TRIM33: variants seen among roughly 807,000 people sequenced by gnomAD.
TRIM33 encodes the protein E3 ubiquitin-protein ligase TRIM33.
A neutral mutation model predicts 125.4 loss-of-function variants in TRIM33; 20 were observed. The ratio of observed to expected loss-of-function variants is 0.16; its 90% CI spans 0.11 to 0.23. TRIM33 has a LOEUF of 0.23. Ranked by LOEUF, TRIM33 falls within the 10% of genes least tolerant of loss-of-function variation. TRIM33 has a pLI of 1.00. For synonymous variants in TRIM33, 564 were observed against 513.9 expected, an observed-to-expected ratio of 1.10 and a Z score of -1.32; for missense variants, 920 against 1,411.4, an observed-to-expected ratio of 0.65 and a Z score of 5.58.
chr1:114,425,333 T>C, intron 9 of TRIM33, 116 bp downstream of exon 9: 1 of 1,347,098 alleles, frequency 7.4e-7, no homozygotes, highest in Non-Finnish European at 1.0e-6. Flanking sequence ...CTCTGACTTT[T>C]GAACTCTGCT....
intron 11 of TRIM33, among the ~76,000 whole-genome samples, chr1:114,416,523 T>A (rs1652953525): frequency 6.6e-6 from 1 of 152,206 alleles, no homozygotes; most frequent in South Asian, 2.1e-4. Flanking sequence ...GTATAACAAC[T>A]CACTTCTGTA....
intron 1 of TRIM33, among the ~76,000 whole-genome samples, chr1:114,482,722 G>A (rs909711768): frequency 6.6e-6 from 1 of 152,178 alleles, no homozygotes; most frequent in African/African-American, 2.4e-5. Flanking sequence ...TCTCATTATA[G>A]TAACTGAGTT....
chr1:114,397,575 T>C lies in TRIM33; in HGVS notation c.*73A>G, dbSNP rs1484501963. 10 of 1,222,526 alleles carry C rather than the reference T, an allele frequency of 8.2e-6. No individual in the cohort carries two copies. The highest frequency in any genetic ancestry group is 4.7e-5 in the African/African-American group (3 of 63,414). 75.7% of individuals were successfully genotyped at this position (1,222,526 alleles called of 1,614,324 possible). A position where few individuals can be genotyped will look rare whatever the true frequency, so the allele number is the denominator to read the frequency against. On this transcript the variant is annotated 3_prime_UTR_variant, in exon 20 of 20. Coordinates refer to ENST00000358465, the MANE Select transcript of TRIM33 (RefSeq NM_015906.4). ...ATATTCCAGCAACACTTAAAAGTTTTCTGGGTTTTTTGTGTTTTTTTTTTT... is the reference window on the plus strand; with the variant it reads ...ATATTCCAGCAACACTTAAAAGTTTCCTGGGTTTTTTGTGTTTTTTTTTTT...
At chr1:114,498,955 A>C (rs1023810253) in intron 1 of TRIM33, among the ~76,000 whole-genome samples, 4 of 152,204 alleles carry the variant, frequency 2.6e-5, no homozygotes, top group African/African-American at 9.6e-5. Context: ...TTTCAAAACA[A>C]CTGATAAATA....
chr1:114,491,529 C>T (rs973835294), intron 1 of TRIM33, among the ~76,000 whole-genome samples: 6 of 152,104 alleles, frequency 3.9e-5, no homozygotes, highest in African/African-American at 1.4e-4. Context: ...GGGCTGGATG[C>T]AGTGGCTCAA....
intron 17 of TRIM33, among the ~76,000 whole-genome samples, chr1:114,399,850 A>G (rs1572003719): frequency 1.3e-5 from 2 of 152,168 alleles, no homozygotes; most frequent in Non-Finnish European, 2.9e-5. Context: ...TAAGATTTGG[A>G]AAGAAAGCAA....
intron 1 of TRIM33, among the ~76,000 whole-genome samples, chr1:114,489,033 G>T (rs1029709648): frequency 9.9e-5 from 15 of 152,160 alleles, no homozygotes; most frequent in African/African-American, 3.1e-4. Flanking sequence ...CTGGGTGACA[G>T]AGTGAGACCC....
At position 114,393,095 on chromosome 1, in the gene TRIM33, CTA is replaced by C. The variant is rs1651366177; in HGVS notation, c.*4551_*4552del. ...AAGAATCATATTGAAGGGCAGTTAA[CTA>C]TGTGCAAAAATAATAGTACTAGTAG... On this transcript the variant is annotated 3_prime_UTR_variant, in exon 20 of 20. Transcript: ENST00000358465. The C allele has an allele frequency of 9.8e-6, 2 of 204,728 alleles. No homozygotes were observed. The highest frequency in any genetic ancestry group is 7.4e-5 in the East Asian group (1 of 13,534). The allele number at this position is 204,728 out of a possible 1,614,324, so 12.7% of individuals were successfully genotyped here.
intron 14 of TRIM33, 24 bp downstream of exon 14, chr1:114,406,915 CCT>C (rs1652282745): frequency 1.9e-6 from 3 of 1,609,162 alleles, no homozygotes; most frequent in Non-Finnish European, 2.5e-6. Context: ...TCCTTAAGTC[CCT>C]GTCAGACTCC....
intron 4 of TRIM33, among the ~76,000 whole-genome samples, chr1:114,446,170 T>C: frequency 6.6e-6 from 1 of 152,196 alleles, no homozygotes; most frequent in East Asian, 1.9e-4. Context: ...TTGAGGATTT[T>C]CATATGACAA....
At chr1:114,464,903 C>G (rs73007263) in intron 1 of TRIM33, among the ~76,000 whole-genome samples, 1 of 152,078 alleles carries the variant, frequency 6.6e-6, no homozygotes, top group African/African-American at 2.4e-5. Flanking sequence ...AGACAGGCAA[C>G]CACTAGAAGC....
At chr1:114,409,948 A>G (rs1282227039) in intron 12 of TRIM33, among the ~76,000 whole-genome samples, 1 of 152,022 alleles carries the variant, frequency 6.6e-6, no homozygotes, top group East Asian at 1.9e-4. Context: ...CAAAGAAGAA[A>G]TTTTGTCTCA....
At chr1:114,426,116 A>C (rs1647556686) in intron 8 of TRIM33, among the ~76,000 whole-genome samples, 1 of 152,222 alleles carries the variant, frequency 6.6e-6, no homozygotes, top group Non-Finnish European at 1.5e-5. Context: ...AATTGCCAAA[A>C]TATGCAAGGC....
At chr1:114,506,881 C>T (rs1353320147) in intron 1 of TRIM33, among the ~76,000 whole-genome samples, 21 of 152,268 alleles carry the variant, frequency 1.4e-4, no homozygotes, top group Non-Finnish European at 2.5e-4. Context: ...CCACCAGCAT[C>T]AAAATCACAG....
At chr1:114,424,050 AAACAT>A (rs762344178) in intron 10 of TRIM33, among the ~76,000 whole-genome samples, 7 of 152,198 alleles carry the variant, frequency 4.6e-5, no homozygotes, top group Non-Finnish European at 1.0e-4. Flanking sequence ...TCTCCCATAT[AAACAT>A]AACCAGGCAA....
intron 14 of TRIM33, among the ~76,000 whole-genome samples, chr1:114,406,057 G>C (rs766851917): frequency 6.6e-6 from 1 of 152,180 alleles, no homozygotes; most frequent in Non-Finnish European, 1.5e-5. Context: ...TTCCTTGAGA[G>C]AGCTAATTAT....
intron 6 of TRIM33, among the ~76,000 whole-genome samples, chr1:114,428,335 T>G (rs1375898259): frequency 6.6e-6 from 1 of 152,162 alleles, no homozygotes; most frequent in Non-Finnish European, 1.5e-5. Flanking sequence ...CTTAAATATA[T>G]AAGACAAAAT....
chr1:114,397,589 G>GTTTTTTTTTTTTTTTTGT lies in TRIM33; in HGVS notation c.*58_*59insACAAAAAAAAAAAAAAAA. The stretch of plus-strand genomic sequence containing the variant: ...CTTAAAAGTTTTCTGGGTTTTTTGT[G>GTTTTTTTTTTTTTTTTGT]TTTTTTTTTTTTTTTTCGTTTTTTT... On this transcript the variant is annotated 3_prime_UTR_variant, in exon 20 of 20. Coordinates refer to ENST00000358465, the MANE Select transcript of TRIM33 (RefSeq NM_015906.4). The GTTTTTTTTTTTTTTTTGT allele has an allele frequency of 1.6e-6, 1 of 637,684 alleles. No individual in the cohort carries two copies. Among genetic ancestry groups the GTTTTTTTTTTTTTTTTGT allele is most frequent in the Non-Finnish European group, 2.4e-6 (1 of 424,414 alleles). 39.5% of individuals were successfully genotyped at this position (637,684 alleles called of 1,614,324 possible).
In TRIM33 at chr1:114,398,908, A is replaced by C. The variant is rs376482733; in HGVS notation, c.3120+549T>G. Reference sequence around the variant, plus strand: ...ACTCAAACTTACCCTCAAAAAAAAAAAAAAAAACAAAACAAAACAAAACAA... The same window carrying C: ...ACTCAAACTTACCCTCAAAAAAAAACAAAAAAACAAAACAAAACAAAACAA... On this transcript the variant is annotated intron_variant, in intron 18 of 19. Transcript: ENST00000358465. Among the ~76,000 whole-genome samples, 768 of 149,010 alleles carry C rather than the reference A, an allele frequency of 5.2e-3. 14 individuals are homozygous for C. The highest frequency in any genetic ancestry group is 5.6e-3 in the Non-Finnish European group (377 of 67,458).
Sources: gnomAD v4.1 joint callset for allele counts (sites outside exome capture counted in the v4.1 genomes callset) on GRCh38, gnomAD v4.1.1 for gene constraint, MANE v1.5 for transcripts, NCBI Gene and HGNC (gene_info 2026-07-23, HGNC 2026-07-21) for gene names.